The following PACRG variants were observed in gnomAD, a reference collection of about 807,000 sequenced individuals.
The protein encoded by PACRG is parkin coregulated.
Under a neutral mutation model 29.7 loss-of-function variants are expected in PACRG, and 29 were observed. The observed-to-expected ratio is 0.98, with a 90% CI of 0.73 to 1.33. PACRG has a LOEUF of 1.33. Ranked by LOEUF, PACRG falls within the 40% of genes most tolerant of loss-of-function variation. PACRG has a pLI of 0.00. For synonymous variants in PACRG, 116 were observed against 118.7 expected (o/e 0.98, Z 0.15); for missense variants, 279 against 316.2 (o/e 0.88, Z 0.89).
intron 2 of PACRG, among the ~76,000 whole-genome samples, chr6:162,865,464 T>C (rs1450073925): frequency 6.6e-6 from 1 of 152,174 alleles, no homozygotes; most frequent in African/African-American, 2.4e-5. Context: ...AACATGATTC[T>C]TTTTTAATGT....
chr6:162,807,692 A>G (rs202061226), intron 1 of PACRG, among the ~76,000 whole-genome samples: 16 of 152,318 alleles, frequency 1.1e-4, no homozygotes, highest in East Asian at 5.8e-4. Context: ...TATAATAATG[A>G]TGAAAAATTG....
intron 2 of PACRG, among the ~76,000 whole-genome samples, chr6:162,985,938 A>G (rs2128178015): frequency 1.3e-5 from 2 of 150,678 alleles, no homozygotes; most frequent in East Asian, 4.0e-4. Flanking sequence ...TCAAATCAAG[A>G]ACTCAACCCC....
intron 1 of PACRG, among the ~76,000 whole-genome samples, chr6:162,768,737 T>A (rs199565899): frequency 6.6e-6 from 1 of 150,796 alleles, no homozygotes; most frequent in Admixed American, 6.6e-5. Context: ...ATATGGGGGG[T>A]GTTACCTGTC....
At chr6:163,093,817 C>CTT (rs1384567904) in intron 4 of PACRG, among the ~76,000 whole-genome samples, 4 of 152,130 alleles carry the variant, frequency 2.6e-5, no homozygotes, top group Admixed American at 2.0e-4. Context: ...CCATTATAGA[C>CTT]TAATAAAAAG....
chr6:163,095,492 C>T (rs1814491425), intron 4 of PACRG: 3 of 916,126 alleles, frequency 3.3e-6, no homozygotes, highest in Non-Finnish European at 3.9e-6. Context: ...GCTTAAACAA[C>T]AGAAATGTAT....
chr6:163,197,825 G>A (rs1780540541), intron 4 of PACRG, among the ~76,000 whole-genome samples: 1 of 152,128 alleles, frequency 6.6e-6, no homozygotes, highest in Non-Finnish European at 1.5e-5. Flanking sequence ...GCAATTCAGA[G>A]CAGGGGTTAT....
chr6:163,197,536 C>T (rs1369001579), intron 4 of PACRG, among the ~76,000 whole-genome samples: 5 of 149,988 alleles, frequency 3.3e-5, no homozygotes, highest in Non-Finnish European at 7.4e-5. Context: ...CTCTGCCTCC[C>T]GGGTTCACGC....
At position 162,947,589 on chromosome 6, in the gene PACRG, T is replaced by TACTC. The variant is rs1440687694; in HGVS notation, c.292-114560_292-114559insCTCA. Among the ~76,000 whole-genome samples, 60 of 82,222 alleles carry TACTC rather than the reference T, an allele frequency of 7.3e-4. 2 individuals carry two copies. Among genetic ancestry groups the TACTC allele is most frequent in the Admixed American group, 1.1e-3 (6 of 5,416 alleles). 53.9% of individuals were successfully genotyped at this position (82,222 alleles called of 152,430 possible). On this transcript the variant is annotated intron_variant, in intron 2 of 4. Transcript: ENST00000366888. ...ATATATACTCATATATAATCATATA[T>TACTC]ATAATCATATATATATATAATCATA...
At chr6:162,918,385 A>G (rs541020379) in intron 2 of PACRG, among the ~76,000 whole-genome samples, 463 of 152,312 alleles carry the variant, frequency 3.0e-3, no homozygotes, top group Non-Finnish European at 5.6e-3. Context: ...AAAATCAAAT[A>G]CTTCTGAAAT....
chr6:163,260,189 G>A (rs1392125530), intron 4 of PACRG, among the ~76,000 whole-genome samples: 2 of 152,182 alleles, frequency 1.3e-5, no homozygotes, highest in Non-Finnish European at 1.5e-5. Context: ...GCTCACTGCC[G>A]TCTGGGCCAC....
chr6:162,942,223 G>C (rs1235810861), intron 2 of PACRG, among the ~76,000 whole-genome samples: 2 of 152,154 alleles, frequency 1.3e-5, no homozygotes, highest in African/African-American at 4.8e-5. Flanking sequence ...TTAGAGTAGA[G>C]CTATTCTCTC....
intron 2 of PACRG, among the ~76,000 whole-genome samples, chr6:162,897,237 T>A (rs1489366399): frequency 6.6e-6 from 1 of 152,250 alleles, no homozygotes; most frequent in Non-Finnish European, 1.5e-5. Flanking sequence ...GAAAGTAACT[T>A]TTTCAAACTT....
At chr6:162,960,626 G>A (rs73023103) in intron 2 of PACRG, among the ~76,000 whole-genome samples, 8 of 152,250 alleles carry the variant, frequency 5.3e-5, no homozygotes, top group South Asian at 2.1e-4. Flanking sequence ...AGGGAGAAGC[G>A]TGCGGGTTAA....
chr6:162,756,974 A>AT (rs879826762), intron 1 of PACRG, among the ~76,000 whole-genome samples: 31 of 150,808 alleles, frequency 2.1e-4, no homozygotes, highest in Non-Finnish European at 3.3e-4. Flanking sequence ...ATATTCTTGG[A>AT]TTTTTTTTTC....
At chr6:163,260,344 C>T (rs1269637869) in intron 4 of PACRG, among the ~76,000 whole-genome samples, 2 of 152,190 alleles carry the variant, frequency 1.3e-5, no homozygotes, top group Non-Finnish European at 2.9e-5. Flanking sequence ...GGTTTGGTCT[C>T]TTCTAGACCT....
chr6:163,241,237 T>G (rs1782495733), intron 4 of PACRG, among the ~76,000 whole-genome samples: 1 of 152,182 alleles, frequency 6.6e-6, no homozygotes, highest in Non-Finnish European at 1.5e-5. Context: ...ATTTATGATA[T>G]GCTGTCATTG....
chr6:163,023,695 A>AC (rs1806853747), intron 2 of PACRG, among the ~76,000 whole-genome samples: 5 of 152,208 alleles, frequency 3.3e-5, no homozygotes, highest in African/African-American at 1.2e-4. Context: ...TCCCACCAAC[A>AC]GTGTATAAGT....
At chr6:162,977,539 C>T (rs372489553) in intron 2 of PACRG, among the ~76,000 whole-genome samples, 14 of 151,882 alleles carry the variant, frequency 9.2e-5, no homozygotes, top group African/African-American at 2.9e-4. Context: ...TTTTTCTCCT[C>T]GAACCCCATC....
At chr6:162,978,662 T>TA (rs916820771) in intron 2 of PACRG, among the ~76,000 whole-genome samples, 12 of 151,894 alleles carry the variant, frequency 7.9e-5, no homozygotes, top group African/African-American at 1.2e-4. Flanking sequence ...CTTGCCCTTC[T>TA]AAAAAAAACT....
Sources: gnomAD v4.1 joint callset for allele counts (sites outside exome capture counted in the v4.1 genomes callset) on GRCh38, gnomAD v4.1.1 for gene constraint, MANE v1.5 for transcripts, NCBI Gene and HGNC (gene_info 2026-07-23, HGNC 2026-07-21) for gene names.